The following TBC1D5 variants were observed in gnomAD, a reference collection of about 807,000 sequenced individuals.
TBC1D5 encodes TBC1 domain family, member 5.
A neutral mutation model predicts 100.3 loss-of-function variants in TBC1D5; 75 were observed. The ratio of observed to expected loss-of-function variants is 0.75; its 90% CI spans 0.62 to 0.91. The LOEUF (loss-of-function observed/expected upper bound fraction) is 0.91. Among genes scored for constraint, TBC1D5 ranks in the 40% least tolerant of loss-of-function variants. The pLI, the probability that TBC1D5 is intolerant of heterozygous loss-of-function variation, is 0.00. For missense variants in TBC1D5, 910 were observed against 942.4 expected, an observed-to-expected ratio of 0.97 and a Z score of 0.45; for synonymous variants, 323 against 325.6, an observed-to-expected ratio of 0.99 and a Z score of 0.09.
intron 18 of TBC1D5, among the ~76,000 whole-genome samples, chr3:17,186,743 A>T (rs1340840140): frequency 2.8e-4 from 37 of 134,426 alleles, no homozygotes; most frequent in Admixed American, 4.4e-4. Flanking sequence ...AAAAAAAAAA[A>T]ATTAAAAAAA....
exon 22 of TBC1D5, chr3:17,160,271 T>C (rs566617523): frequency 6.6e-6 from 1 of 152,312 alleles, no homozygotes; most frequent in East Asian, 1.9e-4. Context: ...CATTCTTTAA[T>C]ACATCAAAAA....
intron 17 of TBC1D5, among the ~76,000 whole-genome samples, chr3:17,216,420 A>T (rs974117978): frequency 1.3e-5 from 2 of 152,012 alleles, no homozygotes; most frequent in Non-Finnish European, 2.9e-5. Flanking sequence ...CCCTCTGCCC[A>T]ACTCTGATTC....
chr3:17,604,751 T>C (rs2061228036), intron 2 of TBC1D5, among the ~76,000 whole-genome samples: 1 of 152,208 alleles, frequency 6.6e-6, no homozygotes, highest in African/African-American at 2.4e-5. Context: ...CAGTGCTCAC[T>C]GCAACCTCCA....
intron 1 of TBC1D5, among the ~76,000 whole-genome samples, chr3:17,723,471 T>G (rs1365306540): frequency 6.6e-6 from 1 of 152,208 alleles, no homozygotes; most frequent in African/African-American, 2.4e-5. Context: ...GTTGGAGTAA[T>G]GTATTGGTAA....
intron 2 of TBC1D5, among the ~76,000 whole-genome samples, chr3:17,618,130 T>C (rs1221901761): frequency 6.6e-6 from 1 of 152,242 alleles, no homozygotes; most frequent in African/African-American, 2.4e-5. Context: ...CCTTTCTGTT[T>C]GTTAGTTTTC....
chr3:17,376,004 T>G (rs10510474), intron 10 of TBC1D5, among the ~76,000 whole-genome samples: 13,698 of 152,104 alleles, frequency 0.09, 1,419 homozygotes, highest in African/African-American at 0.26. Context: ...TTAGCCTAAG[T>G]TGAATCCAAT....
chr3:17,217,084 T>A (rs999677394), intron 17 of TBC1D5, among the ~76,000 whole-genome samples: 2 of 152,140 alleles, frequency 1.3e-5, no homozygotes, highest in African/African-American at 2.4e-5. Context: ...TCTGGCTCTA[T>A]GAATTTGCCT....
intron 2 of TBC1D5, chr3:17,586,342 T>C (rs573995530): frequency 6.6e-6 from 1 of 152,256 alleles, no homozygotes; most frequent in South Asian, 2.1e-4. Context: ...TTTGAATAAA[T>C]ATATGCTTAC....
At chr3:17,434,851 T>C (rs1200640373) in intron 3 of TBC1D5, among the ~76,000 whole-genome samples, 1 of 152,204 alleles carries the variant, frequency 6.6e-6, no homozygotes, top group Non-Finnish European at 1.5e-5. Context: ...CCTGCAAATT[T>C]TCCAAACTTT....
chr3:17,404,943 G>T, exon 6 of TBC1D5: 1 of 1,595,040 alleles, frequency 6.3e-7, no homozygotes, highest in South Asian at 1.1e-5. Context: ...TTGTCTTGAG[G>T]AAGAACACAA....
chr3:17,467,101 C>T (rs1400650766), intron 3 of TBC1D5, among the ~76,000 whole-genome samples: 4 of 151,958 alleles, frequency 2.6e-5, no homozygotes, highest in Non-Finnish European at 5.9e-5. Context: ...GAGTTCTCCT[C>T]CCCAATATTT....
intron 2 of TBC1D5, among the ~76,000 whole-genome samples, chr3:17,517,111 C>G (rs758708349): frequency 6.6e-6 from 1 of 152,206 alleles, no homozygotes; most frequent in Non-Finnish European, 1.5e-5. Context: ...CCATTCTTTA[C>G]AAACAACCAC....
chr3:17,349,886 C>T lies in TBC1D5; in HGVS notation c.995+22189G>A, dbSNP rs576757129. Among the ~76,000 whole-genome samples the T allele has an allele frequency of 2.0e-5, 3 of 152,280 alleles. No individual in the cohort carries two copies. The East Asian group carries it at 5.8e-4, about 29-fold the overall frequency. ...ATATCTCCCTAATGAAAGCAGTTAA[C>T]ACACAGATCCATGGTTTATATGAGT... On this transcript the variant is annotated intron_variant, in intron 13 of 21. Coordinates refer to ENST00000253692, the Ensembl canonical transcript of TBC1D5.
At chr3:17,165,774 T>C (rs1200837915) in intron 21 of TBC1D5, among the ~76,000 whole-genome samples, 3 of 152,236 alleles carry the variant, frequency 2.0e-5, no homozygotes, top group East Asian at 1.9e-4. Flanking sequence ...AAAATATTAT[T>C]AATAATTTAA....
At chr3:17,497,794 A>G (rs963863845) in intron 3 of TBC1D5, among the ~76,000 whole-genome samples, 5 of 152,186 alleles carry the variant, frequency 3.3e-5, no homozygotes, top group African/African-American at 1.2e-4. Flanking sequence ...ATAAAAGATT[A>G]TTTGGCTCAC....
At chr3:17,656,790 T>A (rs571997878) in intron 1 of TBC1D5, among the ~76,000 whole-genome samples, 1 of 151,750 alleles carries the variant, frequency 6.6e-6, no homozygotes, top group African/African-American at 2.4e-5. Flanking sequence ...TAGAAAATGA[T>A]GAACTAGATA....
intron 3 of TBC1D5, among the ~76,000 whole-genome samples, chr3:17,475,588 C>T (rs1480383119): frequency 1.3e-5 from 2 of 152,074 alleles, no homozygotes; most frequent in Non-Finnish European, 1.5e-5. Flanking sequence ...AAAATATATC[C>T]GGTATCTGTT....
At chr3:17,292,601 G>C (rs1457540347) in intron 14 of TBC1D5, among the ~76,000 whole-genome samples, 1 of 152,104 alleles carries the variant, frequency 6.6e-6, no homozygotes, top group Non-Finnish European at 1.5e-5. Context: ...AAGTCTAAAT[G>C]TGTTCTGTAG....
At chr3:17,166,519 T>C (rs1483804857) in intron 21 of TBC1D5, among the ~76,000 whole-genome samples, 1 of 152,210 alleles carries the variant, frequency 6.6e-6, no homozygotes, top group Admixed American at 6.5e-5. Context: ...GCAGCACTGC[T>C]GCACACGGGT....
Sources: allele counts gnomAD v4.1 joint callset (sites outside exome capture counted in the v4.1 genomes callset), GRCh38; gene constraint gnomAD v4.1.1; transcripts MANE v1.5; gene names NCBI Gene and HGNC (gene_info 2026-07-23, HGNC 2026-07-21).